SCFD2: variants seen among roughly 807,000 people sequenced by gnomAD.
SCFD2 encodes sec1 family domain-containing protein 2.
A neutral mutation model predicts 58.9 loss-of-function variants in SCFD2; 54 were observed. The ratio of observed to expected loss-of-function variants is 0.92; its 90% CI spans 0.74 to 1.15. The LOEUF (loss-of-function observed/expected upper bound fraction) is 1.15. Ranked by LOEUF, SCFD2 falls within the 50% of genes most tolerant of loss-of-function variation. The pLI is 0.00. For missense variants in SCFD2, 805 were observed against 836.6 expected, an observed-to-expected ratio of 0.96 and a Z score of 0.47; for synonymous variants, 321 against 335.9, an observed-to-expected ratio of 0.96 and a Z score of 0.49.
At chr4:52,920,496 C>G (rs976527572) in intron 6 of SCFD2, among the ~76,000 whole-genome samples, 8 of 152,158 alleles carry the variant, frequency 5.3e-5, no homozygotes, top group African/African-American at 1.7e-4. Flanking sequence ...AAAGCCATGG[C>G]TGACTCCCAA....
At chr4:53,207,574 TTATATATATATAATATATATATAATA>T (rs1560385360) in intron 4 of SCFD2, among the ~76,000 whole-genome samples, 2 of 24,134 alleles carry the variant, frequency 8.3e-5, no homozygotes, top group Admixed American at 6.8e-4. Context: ...TATATAATAT[TTATATATATATAATATATATATAATA>T]TTTATATATA....
At chr4:53,300,853 G>A (rs1732254950) in intron 3 of SCFD2, among the ~76,000 whole-genome samples, 1 of 152,082 alleles carries the variant, frequency 6.6e-6, no homozygotes, top group Admixed American at 6.6e-5. Context: ...ATGACTACTG[G>A]GTAAATAATG....
chr4:53,289,441 T>A (rs1731769917), intron 3 of SCFD2, among the ~76,000 whole-genome samples: 1 of 151,418 alleles, frequency 6.6e-6, no homozygotes, highest in African/African-American at 2.4e-5. Flanking sequence ...AGCCTCAAGA[T>A]AAAAGATAAC....
intron 5 of SCFD2, among the ~76,000 whole-genome samples, chr4:53,139,019 C>T (rs771014083): frequency 3.9e-5 from 6 of 152,144 alleles, no homozygotes; most frequent in African/African-American, 7.2e-5. Flanking sequence ...TGCAGGTGCG[C>T]GCCGCCACGC....
intron 4 of SCFD2, among the ~76,000 whole-genome samples, chr4:53,218,971 ATGT>A (rs1393825955): frequency 6.6e-6 from 1 of 152,176 alleles, no homozygotes; most frequent in Admixed American, 6.5e-5. Flanking sequence ...TGAACAGCAA[ATGT>A]TGTTGCCTGA....
chr4:52,901,273 C>A (rs1719191983), intron 7 of SCFD2, among the ~76,000 whole-genome samples: 1 of 152,184 alleles, frequency 6.6e-6, no homozygotes, highest in African/African-American at 2.4e-5. Flanking sequence ...TCCTATTTGG[C>A]CATCTTGGCT....
chr4:52,888,572 C>T (rs560627944), intron 7 of SCFD2, among the ~76,000 whole-genome samples: 3 of 152,318 alleles, frequency 2.0e-5, no homozygotes, highest in East Asian at 3.9e-4. Context: ...TCAATGGACA[C>T]TCCTTTGTCA....
intron 5 of SCFD2, among the ~76,000 whole-genome samples, chr4:52,964,091 A>T (rs1443473195): frequency 6.6e-6 from 1 of 152,214 alleles, no homozygotes; most frequent in East Asian, 1.9e-4. Flanking sequence ...ATTAATTAAG[A>T]CCAACACATC....
At chr4:53,265,842 T>C (rs1225124462) in intron 4 of SCFD2, among the ~76,000 whole-genome samples, 2 of 152,052 alleles carry the variant, frequency 1.3e-5, no homozygotes, top group African/African-American at 2.4e-5. Context: ...TGGGCTCAAG[T>C]GATCCTCCTG....
At chr4:53,019,717 T>C (rs1159556073) in intron 5 of SCFD2, among the ~76,000 whole-genome samples, 6 of 152,122 alleles carry the variant, frequency 3.9e-5, no homozygotes, top group Non-Finnish European at 8.8e-5. Flanking sequence ...ACAAACAATA[T>C]ATAAAGTTAT....
At chr4:53,310,872 G>A (rs1330666972) in intron 3 of SCFD2, among the ~76,000 whole-genome samples, 1 of 152,096 alleles carries the variant, frequency 6.6e-6, no homozygotes, top group Non-Finnish European at 1.5e-5. Context: ...CAAGGGAATC[G>A]TGAGTCTATA....
intron 4 of SCFD2, among the ~76,000 whole-genome samples, chr4:53,241,215 A>G (rs4472196): frequency 0.71 from 108,591 of 152,076 alleles, 38,952 homozygotes; most frequent in Middle Eastern, 0.8. Flanking sequence ...GATGCTCAGA[A>G]AAGTACGAGG....
intron 4 of SCFD2, among the ~76,000 whole-genome samples, chr4:53,218,285 A>C (rs1469347107): frequency 6.6e-6 from 1 of 152,196 alleles, no homozygotes; most frequent in Admixed American, 6.5e-5. Context: ...TACACCAATC[A>C]GATGTAGATT....
At chr4:53,247,021 AAC>A (rs1477102923) in intron 4 of SCFD2, among the ~76,000 whole-genome samples, 1 of 151,606 alleles carries the variant, frequency 6.6e-6, no homozygotes, top group Non-Finnish European at 1.5e-5. Context: ...AACTCCAAAC[AAC>A]ACCATTAAAA....
intron 5 of SCFD2, among the ~76,000 whole-genome samples, chr4:52,937,830 T>C (rs903765651): frequency 1.3e-5 from 2 of 152,234 alleles, no homozygotes; most frequent in South Asian, 4.2e-4. Flanking sequence ...CCTTGACCAG[T>C]GAGGTTACTT....
At chr4:52,923,743 C>A (rs1242040591) in intron 5 of SCFD2, among the ~76,000 whole-genome samples, 1 of 152,120 alleles carries the variant, frequency 6.6e-6, no homozygotes, top group Non-Finnish European at 1.5e-5. Flanking sequence ...AGTTCATAAC[C>A]AAGGCAAGTT....
chr4:53,206,446 T>C (rs2148973766), intron 4 of SCFD2, among the ~76,000 whole-genome samples: 1 of 152,216 alleles, frequency 6.6e-6, no homozygotes, highest in Non-Finnish European at 1.5e-5. Flanking sequence ...AAGCTTAAAA[T>C]GCTGTAAGTT....
chr4:53,010,789 C>T (rs554269061), intron 5 of SCFD2, among the ~76,000 whole-genome samples: 3 of 152,244 alleles, frequency 2.0e-5, no homozygotes, highest in East Asian at 3.9e-4. Context: ...CTGGGGGGCG[C>T]GGTCCAGCCT....
chr4:53,272,286 G>C (rs1237457925), intron 4 of SCFD2, among the ~76,000 whole-genome samples: 2 of 150,450 alleles, frequency 1.3e-5, no homozygotes, highest in South Asian at 4.1e-4. Flanking sequence ...TGTGGAAGTT[G>C]GTGTGGCAAT....
Sources: gnomAD v4.1 joint callset for allele counts (sites outside exome capture counted in the v4.1 genomes callset) on GRCh38, gnomAD v4.1.1 for gene constraint, MANE v1.5 for transcripts, NCBI Gene and HGNC (gene_info 2026-07-23, HGNC 2026-07-21) for gene names.